SLC24A2: variants seen among roughly 807,000 people sequenced by gnomAD.
SLC24A2 encodes sodium/potassium/calcium exchanger 2.
Under a neutral mutation model 62.0 loss-of-function variants are expected in SLC24A2, and 36 were observed. That is an observed-to-expected ratio of 0.58 (90% CI 0.44 to 0.77). SLC24A2 has a LOEUF of 0.77. Ranked by LOEUF, SLC24A2 falls within the 30% of genes least tolerant of loss-of-function variation. The probability of loss-of-function intolerance (pLI) is 0.00; values close to 1 mark genes in which losing one functional copy is unlikely to be tolerated. For synonymous variants in SLC24A2, 358 were observed against 294.0 expected, an observed-to-expected ratio of 1.22 and a Z score of -2.23; for missense variants, 846 against 817.9, an observed-to-expected ratio of 1.03 and a Z score of -0.42.
chr9:20,209,588 C>T, the SLC24A2 span, among the ~76,000 whole-genome samples: 1 of 152,194 alleles, frequency 6.6e-6, no homozygotes, highest in South Asian at 2.1e-4. Flanking sequence ...ACTGGGGGCT[C>T]TTGAATCCCC....
At chr9:20,229,442 G>C in the SLC24A2 span, among the ~76,000 whole-genome samples, 1 of 152,190 alleles carries the variant, frequency 6.6e-6, no homozygotes, top group East Asian at 1.9e-4. Flanking sequence ...CCAGTAGACA[G>C]TGTGTACAAG....
the SLC24A2 span, among the ~76,000 whole-genome samples, chr9:20,039,032 A>G: frequency 6.6e-6 from 1 of 152,254 alleles, no homozygotes; most frequent in African/African-American, 2.4e-5. Flanking sequence ...GTAATGGACT[A>G]AGAGAGAACA....
chr9:19,980,086 G>A, the SLC24A2 span, among the ~76,000 whole-genome samples: 1 of 152,210 alleles, frequency 6.6e-6, no homozygotes, highest in Non-Finnish European at 1.5e-5. Flanking sequence ...TTACTTTTTG[G>A]TGGGACTAAA....
At chr9:19,861,155 G>C in the SLC24A2 span, among the ~76,000 whole-genome samples, 1 of 152,158 alleles carries the variant, frequency 6.6e-6, no homozygotes, top group Non-Finnish European at 1.5e-5. Context: ...TTGGCTTTAT[G>C]TGTGATCCAG....
At chr9:20,159,614 A>T in the SLC24A2 span, among the ~76,000 whole-genome samples, 2 of 151,578 alleles carry the variant, frequency 1.3e-5, no homozygotes, top group Non-Finnish European at 3.0e-5. Flanking sequence ...GAAAATGAGG[A>T]AGGAGAGAGA....
chr9:20,292,806 T>A, the SLC24A2 span, among the ~76,000 whole-genome samples: 1 of 152,108 alleles, frequency 6.6e-6, no homozygotes, highest in Non-Finnish European at 1.5e-5. Flanking sequence ...CCCAGGCTAG[T>A]CTCAAACTCC....
the SLC24A2 span, among the ~76,000 whole-genome samples, chr9:19,880,856 G>A: frequency 1.3e-5 from 2 of 152,182 alleles, no homozygotes; most frequent in South Asian, 4.2e-4. Flanking sequence ...GTCGCAGGAT[G>A]TAGAGGTATA....
chr9:20,055,700 C>A, the SLC24A2 span, among the ~76,000 whole-genome samples: 1 of 152,022 alleles, frequency 6.6e-6, no homozygotes, highest in Non-Finnish European at 1.5e-5. Flanking sequence ...CCACCCTGGG[C>A]AACATGGTGA....
the SLC24A2 span, among the ~76,000 whole-genome samples, chr9:20,090,237 C>G: frequency 6.6e-6 from 1 of 152,178 alleles, no homozygotes; most frequent in Non-Finnish European, 1.5e-5. Context: ...TGATTGCTGA[C>G]CTGAATCTCT....
rs968209875 is a variant in SLC24A2 at position 19,508,527 on chromosome 9, T to G, written c.*7626A>C. 1.3e-5 allele frequency: 2 copies of G among 152,226 alleles called. No individual in the cohort carries two copies. The highest frequency in any genetic ancestry group is 4.8e-5 in the African/African-American group (2 of 41,458). 9.4% of individuals were successfully genotyped at this position (152,226 alleles called of 1,614,324 possible). A position where few individuals can be genotyped will look rare whatever the true frequency, so the allele number is the denominator to read the frequency against. ...ACATAAAAGGGCTGGGTATGGTGGC[T>G]CATTCCTTTAATCCCAGCACTTTGG... On this transcript the variant is annotated 3_prime_UTR_variant, in exon 11 of 11. Coordinates refer to ENST00000341998, the MANE Select transcript of SLC24A2 (RefSeq NM_020344.4).
the SLC24A2 span, among the ~76,000 whole-genome samples, chr9:20,054,283 C>T: frequency 4.6e-5 from 7 of 152,084 alleles, no homozygotes; most frequent in African/African-American, 1.7e-4. Flanking sequence ...CCTCTGCCTC[C>T]TGGGTTCAAG....
At chr9:19,868,704 G>A in the SLC24A2 span, among the ~76,000 whole-genome samples, 20 of 151,810 alleles carry the variant, frequency 1.3e-4, no homozygotes, top group African/African-American at 4.1e-4. Context: ...ATTCATGCTG[G>A]TTTCATTATG....
At chr9:19,574,940 T>C (rs1286185559) in intron 6 of SLC24A2, among the ~76,000 whole-genome samples, 1 of 152,188 alleles carries the variant, frequency 6.6e-6, no homozygotes. Flanking sequence ...CAGTATCAGC[T>C]GCTCATCAAA....
the SLC24A2 span, among the ~76,000 whole-genome samples, chr9:20,198,429 C>G: frequency 6.6e-6 from 1 of 152,136 alleles, no homozygotes; most frequent in Non-Finnish European, 1.5e-5. Context: ...GAGTCAGAGC[C>G]ACTGCCTCAC....
chr9:19,821,682 T>C, the SLC24A2 span, among the ~76,000 whole-genome samples: 1 of 152,140 alleles, frequency 6.6e-6, no homozygotes, highest in Non-Finnish European at 1.5e-5. Context: ...TCCTCATTAA[T>C]TTTCTAATAA....
chr9:19,743,118 A>G (rs913056058), intron 2 of SLC24A2, among the ~76,000 whole-genome samples: 1 of 152,038 alleles, frequency 6.6e-6, no homozygotes, highest in East Asian at 1.9e-4. Context: ...CTTAACAACT[A>G]TCTTACAAGA....
chr9:19,989,871 T>C, the SLC24A2 span, among the ~76,000 whole-genome samples: 9 of 152,242 alleles, frequency 5.9e-5, no homozygotes, highest in Admixed American at 1.3e-4. Flanking sequence ...ATTTCCACTA[T>C]AGAAGCAGGT....
At chr9:20,070,416 G>C in the SLC24A2 span, among the ~76,000 whole-genome samples, 1 of 152,146 alleles carries the variant, frequency 6.6e-6, no homozygotes, top group African/African-American at 2.4e-5. Flanking sequence ...GTAAAAATAA[G>C]CTCAGCTTTG....
At chr9:19,955,767 G>T in the SLC24A2 span, among the ~76,000 whole-genome samples, 1 of 152,176 alleles carries the variant, frequency 6.6e-6, no homozygotes, top group South Asian at 2.1e-4. Flanking sequence ...GCCCTCAGAT[G>T]AGCAAGGAAA....
Sources: allele counts gnomAD v4.1 joint callset (sites outside exome capture counted in the v4.1 genomes callset), GRCh38; gene constraint gnomAD v4.1.1; transcripts MANE v1.5; gene names NCBI Gene and HGNC (gene_info 2026-07-23, HGNC 2026-07-21).